The following DIS3L2 variants were observed in gnomAD, a reference collection of about 807,000 sequenced individuals.
DIS3L2 encodes DIS3-like exonuclease 2.
DIS3L2 carries 34 observed loss-of-function variants against 97.5 expected under a neutral mutation model. That is an observed-to-expected ratio of 0.35 (90% CI 0.27 to 0.46). The LOEUF is 0.46. Ranked by LOEUF, DIS3L2 falls within the 20% of genes least tolerant of loss-of-function variation. The pLI is 1.00. For missense variants in DIS3L2, 1,038 were observed against 1,146.0 expected, an observed-to-expected ratio of 0.91 and a Z score of 1.36; for synonymous variants, 435 against 445.2, an observed-to-expected ratio of 0.98 and a Z score of 0.29.
At chr2:231,979,523 A>G (rs925503552) in intron 1 of DIS3L2, among the ~76,000 whole-genome samples, 2 of 152,078 alleles carry the variant, frequency 1.3e-5, no homozygotes, top group African/African-American at 4.8e-5. Flanking sequence ...TCCCAAGGCC[A>G]CTGTGCCAGG....
intron 6 of DIS3L2, among the ~76,000 whole-genome samples, chr2:232,088,287 C>A (rs567419851): frequency 6.7e-6 from 1 of 150,198 alleles, no homozygotes; most frequent in South Asian, 2.1e-4. Context: ...TGGCTCACGC[C>A]TGTAATCCCA....
chr2:231,971,255 G>A (rs1257359911), intron 1 of DIS3L2, among the ~76,000 whole-genome samples: 2 of 149,676 alleles, frequency 1.3e-5, no homozygotes, highest in African/African-American at 5.1e-5. Context: ...GGGGTTTGGT[G>A]TACAGTTTAT....
intron 16 of DIS3L2, among the ~76,000 whole-genome samples, chr2:232,332,378 A>G (rs1695763910): frequency 6.6e-6 from 1 of 152,182 alleles, no homozygotes; most frequent in Non-Finnish European, 1.5e-5. Context: ...GCACAGAGTA[A>G]CGGGAGCCGG....
chr2:231,984,377 G>T (rs2106182613), intron 1 of DIS3L2, among the ~76,000 whole-genome samples: 1 of 148,872 alleles, frequency 6.7e-6, no homozygotes, highest in Admixed American at 6.7e-5. Context: ...TGGGCTCACT[G>T]CAACTTCTTT....
chr2:232,155,814 C>A (rs1164487968), intron 8 of DIS3L2, among the ~76,000 whole-genome samples: 1 of 151,990 alleles, frequency 6.6e-6, no homozygotes, highest in Non-Finnish European at 1.5e-5. Flanking sequence ...CATGGTGAAA[C>A]CCCGTCTCTA....
At chr2:232,122,749 GAC>G (rs1390807190) in intron 6 of DIS3L2, among the ~76,000 whole-genome samples, 2 of 151,808 alleles carry the variant, frequency 1.3e-5, no homozygotes, top group African/African-American at 4.8e-5. Context: ...AACTCCAAGA[GAC>G]AACAACAACA....
intron 1 of DIS3L2, among the ~76,000 whole-genome samples, chr2:231,988,321 A>T (rs1283391718): frequency 6.6e-6 from 1 of 152,210 alleles, no homozygotes; most frequent in East Asian, 1.9e-4. Context: ...ATGAATGTGG[A>T]ACTTAATTTC....
intron 9 of DIS3L2, among the ~76,000 whole-genome samples, chr2:232,165,198 G>A (rs1013281128): frequency 3.3e-5 from 5 of 152,164 alleles, no homozygotes; most frequent in African/African-American, 1.2e-4. Context: ...CAATATGATA[G>A]CATTCCTTGC....
chr2:232,199,431 G>C (rs1013702849), intron 9 of DIS3L2, among the ~76,000 whole-genome samples: 1 of 152,158 alleles, frequency 6.6e-6, no homozygotes, highest in Admixed American at 6.5e-5. Context: ...TAATGATGCA[G>C]TGAACTCTTC....
intron 8 of DIS3L2, among the ~76,000 whole-genome samples, chr2:232,155,274 T>G (rs1197104715): frequency 2.6e-5 from 4 of 152,150 alleles, no homozygotes; most frequent in Admixed American, 6.5e-5. Context: ...GACAGGACTG[T>G]TTTAACAACT....
chr2:232,024,139 A>G (rs1694593033), intron 3 of DIS3L2, 138 bp from the exon 4 acceptor site: 1 of 560,262 alleles, frequency 1.8e-6, no homozygotes, highest in Non-Finnish European at 3.1e-6. Context: ...CCTGCATTTA[A>G]TGAATATTTC....
Position 232,163,530 on chromosome 2 carries a change from G to C in DIS3L2, c.1022G>C (p.Gly341Ala). The change falls in exon 9 of 21, where the codon GGC becomes GCC. Residue 341 changes from glycine (G) to alanine (A), a missense_variant. Gly to Ala is a moderately conservative substitution (Grantham distance 60, BLOSUM62 0). Transcript: ENST00000325385. ...ACAGAAGGAATACTAACAGAGTATG[G>C]CGTGGATTTCTCTGATTTCTCTTCA... ...PETEGILTEY[G>A]VDFSDFSSEV... 6.2e-7 allele frequency: 1 copy of C among 1,614,168 alleles called. No homozygotes were observed. Among genetic ancestry groups the C allele is most frequent in the Non-Finnish European group, 8.5e-7 (1 of 1,180,018 alleles).
In DIS3L2 at chr2:232,276,205, C is replaced by T. The variant is rs1035915632; in HGVS notation, c.1659+12765C>T. Among the ~76,000 whole-genome samples the T allele has an allele frequency of 5.3e-5, 8 of 152,316 alleles. No homozygotes were observed. Among genetic ancestry groups the T allele is most frequent in the Non-Finnish European group, 1.2e-4 (8 of 68,022 alleles). On this transcript the variant is annotated intron_variant, in intron 13 of 20. Coordinates refer to ENST00000325385, the MANE Select transcript of DIS3L2 (RefSeq NM_152383.5). This position sits in a 1 kb window ranked among gnomAD's most constrained non-coding sequence, Gnocchi z 4.4. ...AATGAATAGCAGAGTCTACTGGTTT[C>T]GAAGCACATTTGAACAGAGAGCTGT...
chr2:232,330,836 T>G, intron 16 of DIS3L2, 60 bp downstream of exon 16: 1 of 1,530,754 alleles, frequency 6.5e-7, no homozygotes, highest in Non-Finnish European at 9.0e-7. Context: ...CCCAGACCTG[T>G]GACCTCCACG....
At chr2:232,114,947 G>T (rs1211453214) in intron 6 of DIS3L2, among the ~76,000 whole-genome samples, 2 of 152,102 alleles carry the variant, frequency 1.3e-5, no homozygotes, top group African/African-American at 4.8e-5. Context: ...TTGCCAGTGG[G>T]GACTCTCTGC....
Position 232,336,688 on chromosome 2 carries a change from A to G in DIS3L2, c.*58A>G, listed in dbSNP as rs1170675905. ...CTGCCTGTCCCGCCACACTGGCTTT[A>G]GGACCTGTTGACACGGAGGGGGGTT... is the stretch of plus-strand genomic sequence containing the variant. On this transcript the variant is annotated 3_prime_UTR_variant, in exon 21 of 21. Coordinates refer to ENST00000325385, the MANE Select transcript of DIS3L2 (RefSeq NM_152383.5). 1.3e-6 allele frequency: 2 copies of G among 1,568,740 alleles called. No homozygotes were observed. Among genetic ancestry groups the G allele is most frequent in the Admixed American group, 1.9e-5 (1 of 52,484 alleles).
chr2:231,986,578 T>A (rs571365619), intron 1 of DIS3L2, among the ~76,000 whole-genome samples: 1 of 152,234 alleles, frequency 6.6e-6, no homozygotes, highest in Non-Finnish European at 1.5e-5. Context: ...TTCTGTGACA[T>A]TGGCATTTTT....
At chr2:232,147,941 C>T (rs1025106949) in intron 8 of DIS3L2, among the ~76,000 whole-genome samples, 8 of 147,526 alleles carry the variant, frequency 5.4e-5, no homozygotes, top group Non-Finnish European at 9.0e-5. Context: ...CTCTTCCCTT[C>T]CCTTCCCTCC....
chr2:232,340,811 G>A, downstream of DIS3L2: 2 of 471,512 alleles, frequency 4.2e-6, no homozygotes, highest in South Asian at 3.1e-5. Context: ...AAGCCCCTTG[G>A]TGTGCTCAGA....
Sources: allele counts gnomAD v4.1 joint callset (sites outside exome capture counted in the v4.1 genomes callset), GRCh38; gene constraint gnomAD v4.1.1; non-coding constraint Gnocchi (gnomAD v3.1); transcripts MANE v1.5; gene names NCBI Gene and HGNC (gene_info 2026-07-23, HGNC 2026-07-21).